The following IGF2BP2 variants were observed in gnomAD, a reference collection of about 807,000 sequenced individuals.
IGF2BP2 encodes insulin-like growth factor 2 mRNA-binding protein 2.
Under a neutral mutation model 75.8 loss-of-function variants are expected in IGF2BP2, and 17 were observed. The ratio of observed to expected loss-of-function variants is 0.22; its 90% CI spans 0.15 to 0.34. The LOEUF is 0.34. Among genes scored for constraint, IGF2BP2 ranks in the 10% least tolerant of loss-of-function variants. The pLI is 1.00. For missense variants in IGF2BP2, 516 were observed against 772.4 expected (o/e 0.67, Z 3.93); for synonymous variants, 288 against 295.6 (o/e 0.97, Z 0.26).
intron 5 of IGF2BP2, among the ~76,000 whole-genome samples, chr3:185,692,422 T>C (rs1722064571): frequency 6.6e-6 from 1 of 152,148 alleles, no homozygotes; most frequent in Non-Finnish European, 1.5e-5. Context: ...ATGCCAAGGC[T>C]CAACATTTTT....
chr3:185,658,166 G>A (rs1427032465), intron 11 of IGF2BP2, among the ~76,000 whole-genome samples, 175 bp downstream of exon 11: 1 of 152,206 alleles, frequency 6.6e-6, no homozygotes, highest in Non-Finnish European at 1.5e-5. Flanking sequence ...AACCTCAAGA[G>A]CACTCGGGTG....
intron 2 of IGF2BP2, among the ~76,000 whole-genome samples, chr3:185,714,139 A>G (rs1350029248): frequency 1.3e-5 from 2 of 152,198 alleles, no homozygotes; most frequent in African/African-American, 2.4e-5. Flanking sequence ...TAGTCTATAC[A>G]TAAGCATATA....
chr3:185,684,478 C>A (rs944670500), intron 7 of IGF2BP2, among the ~76,000 whole-genome samples: 2 of 151,910 alleles, frequency 1.3e-5, no homozygotes, highest in Admixed American at 1.3e-4. Context: ...GATCTCGGCT[C>A]ACTGCAACCT....
chr3:185,813,556 TC>T (rs1289244761), intron 2 of IGF2BP2, among the ~76,000 whole-genome samples: 9 of 152,162 alleles, frequency 5.9e-5, no homozygotes, highest in Non-Finnish European at 1.2e-4. Context: ...TTTCTATCCG[TC>T]AATGGTTGAA....
At chr3:185,813,144 A>G (rs953893443) in intron 2 of IGF2BP2, among the ~76,000 whole-genome samples, 2 of 152,184 alleles carry the variant, frequency 1.3e-5, no homozygotes, top group African/African-American at 4.8e-5. Context: ...CGACTTACCT[A>G]CTTTACAAAT....
In IGF2BP2 at chr3:185,730,428, CTTTTTTT is replaced by C. The variant is rs71632076; in HGVS notation, c.240-32088_240-32082del. 1.2e-4 allele frequency among the ~76,000 whole-genome samples: 12 copies of C among 96,764 alleles called. No homozygotes were observed. In the South Asian group the frequency reaches 3.2e-3, roughly 26 times the overall value. The allele number at this position is 96,764 out of a possible 152,430, so 63.5% of individuals were successfully genotyped here. A position where few individuals can be genotyped will look rare whatever the true frequency, so the allele number is the denominator to read the frequency against. On this transcript the variant is annotated intron_variant, in intron 2 of 15. Transcript: ENST00000382199. ...ATGATAAACATACAAGCGCAGGTGTCTTTTTTTTTTTTTTTTTTTTTTTGAGACGGAG... is the reference window on the plus strand; with the variant it reads ...ATGATAAACATACAAGCGCAGGTGTCTTTTTTTTTTTTTTTTGAGACGGAG...
intron 2 of IGF2BP2, among the ~76,000 whole-genome samples, chr3:185,757,618 C>G (rs1488772063): frequency 6.6e-6 from 1 of 152,026 alleles, no homozygotes; most frequent in Non-Finnish European, 1.5e-5. Flanking sequence ...GTGTGTGCCA[C>G]CACTTCTGGC....
chr3:185,735,708 A>G (rs1481957611), intron 2 of IGF2BP2, among the ~76,000 whole-genome samples: 1 of 152,194 alleles, frequency 6.6e-6, no homozygotes, highest in Non-Finnish European at 1.5e-5. Context: ...CTGTACTTAC[A>G]GCTCTGCCAC....
chr3:185,751,144 C>CA (rs1438610682), intron 2 of IGF2BP2, among the ~76,000 whole-genome samples: 1 of 152,222 alleles, frequency 6.6e-6, no homozygotes, highest in Admixed American at 6.5e-5. Flanking sequence ...ACCCAGGAGG[C>CA]AGAGGTTGCA....
At chr3:185,661,326 GTTCA>G (rs1314585669) in intron 10 of IGF2BP2, among the ~76,000 whole-genome samples, 1 of 152,256 alleles carries the variant, frequency 6.6e-6, no homozygotes, top group South Asian at 2.1e-4. Flanking sequence ...GTGAGGGTTT[GTTCA>G]TTCATTCATT....
At chr3:185,764,831 G>T (rs1481124613) in intron 2 of IGF2BP2, among the ~76,000 whole-genome samples, 8 of 152,134 alleles carry the variant, frequency 5.3e-5, no homozygotes, top group African/African-American at 1.9e-4. Context: ...GGCTTTATTT[G>T]TCAAGTCAGT....
intron 4 of IGF2BP2, among the ~76,000 whole-genome samples, chr3:185,695,733 G>GCA (rs1362452066): frequency 6.6e-6 from 1 of 152,180 alleles, no homozygotes; most frequent in Non-Finnish European, 1.5e-5. Context: ...GGCATTTGCA[G>GCA]CACTGCTCCT....
At chr3:185,820,276 A>ACACACACACACACACAC (rs1741205251) in intron 2 of IGF2BP2, among the ~76,000 whole-genome samples, 1 of 149,366 alleles carries the variant, frequency 6.7e-6, no homozygotes, top group African/African-American at 2.5e-5. Context: ...ACACACACAT[A>ACACACACACACACACAC]ATTTTTAAGT....
At chr3:185,790,753 T>C (rs1374982689) in intron 2 of IGF2BP2, among the ~76,000 whole-genome samples, 3 of 152,220 alleles carry the variant, frequency 2.0e-5, no homozygotes, top group Non-Finnish European at 4.4e-5. Context: ...TTTGCCTTAA[T>C]AGAAAACTCA....
intron 10 of IGF2BP2, among the ~76,000 whole-genome samples, chr3:185,669,193 A>G (rs959997785): frequency 4.6e-5 from 7 of 152,162 alleles, no homozygotes; most frequent in African/African-American, 1.7e-4. Flanking sequence ...TTGTATCAAA[A>G]TTATATACTA....
At chr3:185,768,583 A>T (rs1733419968) in intron 2 of IGF2BP2, among the ~76,000 whole-genome samples, 1 of 152,334 alleles carries the variant, frequency 6.6e-6, no homozygotes, top group East Asian at 1.9e-4. Context: ...AAATGATATA[A>T]ATTTTCTGTC....
At position 185,652,807 on chromosome 3, in the gene IGF2BP2, T is replaced by C. The variant is rs555830005; in HGVS notation, c.1387-639A>G. On this transcript the variant is annotated intron_variant, in intron 12 of 15. Coordinates refer to ENST00000382199, the MANE Select transcript of IGF2BP2 (RefSeq NM_006548.6). The stretch of plus-strand genomic sequence containing the variant: ...CCTCCATTCCCTCATCTGTGAAACA[T>C]AGGGGCTGGGCCCACCAAGCTCCAA... Among the ~76,000 whole-genome samples, 8 of 152,226 alleles carry C rather than the reference T, an allele frequency of 5.3e-5. No homozygotes were observed. The East Asian group carries it at 5.8e-4, about 11-fold the overall frequency.
intron 10 of IGF2BP2, among the ~76,000 whole-genome samples, chr3:185,667,339 G>A (rs961647650): frequency 1.3e-5 from 2 of 152,068 alleles, no homozygotes; most frequent in Non-Finnish European, 1.5e-5. Context: ...GGCCAGGTGC[G>A]GTAGCAAGTG....
chr3:185,665,217 A>AGAG (rs1165939543), intron 10 of IGF2BP2, among the ~76,000 whole-genome samples: 24 of 135,548 alleles, frequency 1.8e-4, no homozygotes, highest in Non-Finnish European at 2.7e-4. Flanking sequence ...AGGAGAAGGA[A>AGAG]GAGGAGGAGG....
Sources: allele counts gnomAD v4.1 joint callset (sites outside exome capture counted in the v4.1 genomes callset), GRCh38; gene constraint gnomAD v4.1.1; transcripts MANE v1.5; gene names NCBI Gene and HGNC (gene_info 2026-07-23, HGNC 2026-07-21).